Variants in LYRM4 observed in about 807,000 individuals in gnomAD.
LYRM4 encodes LYR motif-containing protein 4.
LYRM4 carries 9 observed loss-of-function variants against 11.7 expected under a neutral mutation model. The ratio of observed to expected loss-of-function variants is 0.77; its 90% CI spans 0.46 to 1.34. The LOEUF is 1.34. Ranked by LOEUF, LYRM4 falls within the 40% of genes most tolerant of loss-of-function variation. The pLI is 0.00. For missense variants in LYRM4, 133 were observed against 112.5 expected, an observed-to-expected ratio of 1.18 and a Z score of -0.82; for synonymous variants, 42 against 40.4, an observed-to-expected ratio of 1.04 and a Z score of -0.15.
chr6:5,048,816 A>C, the LYRM4 span, among the ~76,000 whole-genome samples: 1 of 152,200 alleles, frequency 6.6e-6, no homozygotes, highest in African/African-American at 2.4e-5. Context: ...GCATAAAGAA[A>C]CGTAAATAAT....
the LYRM4 span, chr6:5,032,480 T>G: frequency 3.9e-5 from 6 of 152,312 alleles, no homozygotes; most frequent in Non-Finnish European, 7.3e-5. Flanking sequence ...TACAGCAAAA[T>G]TTGTTAAATG....
In LYRM4 at chr6:5,233,165, A is replaced by G. The variant is rs922925314; in HGVS notation, c.87-16427T>C. Among the ~76,000 whole-genome samples the G allele has an allele frequency of 4.6e-5, 7 of 152,262 alleles. No individual in the cohort carries two copies. In the East Asian group the frequency reaches 7.7e-4, roughly 17 times the overall value. ...CGCCCTGCCTCCCATTTCCTGAGAG[A>G]GGGTCTCACCCACATGATCAATGGC... On this transcript the variant is annotated intron_variant, in intron 1 of 2. Transcript: ENST00000330636.
chr6:5,109,125 G>A lies in LYRM4; in HGVS notation c.*298C>T. ...GGACCAAGAAACAAAGTGTAGAAAT[G>A]CTATACACAATGGTCATGAGCTACA... On this transcript the variant is annotated 3_prime_UTR_variant, in exon 3 of 3. Transcript: ENST00000330636. The A allele has an allele frequency of 2.5e-6, 3 of 1,209,302 alleles. No individual in the cohort carries two copies. The highest frequency in any genetic ancestry group is 3.1e-6 in the Non-Finnish European group (3 of 964,052). 74.9% of individuals were successfully genotyped at this position (1,209,302 alleles called of 1,614,324 possible).
chr6:5,186,023 T>C (rs1043008130), intron 2 of LYRM4, among the ~76,000 whole-genome samples: 2 of 152,004 alleles, frequency 1.3e-5, no homozygotes, highest in Admixed American at 1.3e-4. Context: ...GGCACGCACA[T>C]GTTTTTGGCA....
At chr6:5,067,327 TG>T in the LYRM4 span, among the ~76,000 whole-genome samples, 8 of 152,196 alleles carry the variant, frequency 5.3e-5, no homozygotes, top group Non-Finnish European at 8.8e-5. Flanking sequence ...GTTAGGGAAT[TG>T]GGGAATGTTT....
At chr6:5,129,530 A>G (rs1561815768) in intron 2 of LYRM4, among the ~76,000 whole-genome samples, 2 of 152,116 alleles carry the variant, frequency 1.3e-5, no homozygotes, top group African/African-American at 2.4e-5. Flanking sequence ...CTCTCTGTGC[A>G]ATCAAACCTC....
At chr6:5,172,692 A>G (rs1759502469) in intron 2 of LYRM4, among the ~76,000 whole-genome samples, 2 of 152,156 alleles carry the variant, frequency 1.3e-5, no homozygotes, top group African/African-American at 4.8e-5. Context: ...ACGCACCAAA[A>G]ATCATTCTCA....
At chr6:5,256,724 C>T (rs1462923294) in intron 1 of LYRM4, among the ~76,000 whole-genome samples, 1 of 152,006 alleles carries the variant, frequency 6.6e-6, no homozygotes, top group Non-Finnish European at 1.5e-5. Flanking sequence ...TGATTAACTA[C>T]CTCTGCTGGG....
the LYRM4 span, among the ~76,000 whole-genome samples, chr6:5,036,304 C>T: frequency 6.6e-6 from 1 of 152,112 alleles, no homozygotes; most frequent in Non-Finnish European, 1.5e-5. Context: ...TTAATTTACA[C>T]GTGTGTTAAT....
intron 2 of LYRM4, among the ~76,000 whole-genome samples, chr6:5,163,875 G>A (rs967156039): frequency 4.6e-5 from 7 of 152,042 alleles, no homozygotes; most frequent in Non-Finnish European, 7.4e-5. Flanking sequence ...CCAAAGTGCC[G>A]GGATTACAGC....
chr6:5,239,001 T>C (rs1763708866), intron 1 of LYRM4, among the ~76,000 whole-genome samples: 1 of 152,230 alleles, frequency 6.6e-6, no homozygotes, highest in Non-Finnish European at 1.5e-5. Flanking sequence ...TTTACACGCA[T>C]GTGTTAAGCA....
chr6:5,187,683 A>G (rs1017896691), intron 2 of LYRM4, among the ~76,000 whole-genome samples: 2 of 152,194 alleles, frequency 1.3e-5, no homozygotes, highest in Non-Finnish European at 2.9e-5. Context: ...CAGCAAACCA[A>G]CACAGCACAT....
chr6:5,181,055 G>A (rs775944411), intron 2 of LYRM4, among the ~76,000 whole-genome samples: 1 of 152,070 alleles, frequency 6.6e-6, no homozygotes, highest in African/African-American at 2.4e-5. Context: ...TTAATTTTTT[G>A]AAAGGATCAC....
chr6:5,202,171 G>C (rs966067134), intron 2 of LYRM4, among the ~76,000 whole-genome samples: 3 of 152,222 alleles, frequency 2.0e-5, no homozygotes, highest in Non-Finnish European at 4.4e-5. Flanking sequence ...TAATGAATTT[G>C]TGTAAACAAA....
the LYRM4 span, among the ~76,000 whole-genome samples, chr6:5,069,442 C>T: frequency 0.02 from 3,038 of 149,608 alleles, 97 homozygotes; most frequent in African/African-American, 0.07. Flanking sequence ...ATACATATAT[C>T]ATCAGCTACA....
the LYRM4 span, among the ~76,000 whole-genome samples, chr6:5,067,617 C>G: frequency 7.2e-5 from 11 of 152,244 alleles, no homozygotes; most frequent in South Asian, 4.2e-4. Context: ...GTTACATGGG[C>G]TATGGGAAGG....
At chr6:5,086,365 G>T in the LYRM4 span, 1 of 1,535,974 alleles carries the variant, frequency 6.5e-7, no homozygotes, top group Non-Finnish European at 8.7e-7. Flanking sequence ...TGCCAAGAAA[G>T]AGCCAGGCGC....
intron 2 of LYRM4, chr6:5,144,067 TC>T: frequency 6.8e-7 from 1 of 1,475,676 alleles, no homozygotes; most frequent in Non-Finnish European, 9.0e-7. Flanking sequence ...TGCTTCATAC[TC>T]CAGAAAAAGA....
intron 1 of LYRM4, among the ~76,000 whole-genome samples, chr6:5,260,201 G>A (rs1561910320): frequency 1.3e-5 from 2 of 152,180 alleles, no homozygotes; most frequent in South Asian, 4.1e-4. Flanking sequence ...ATTTTAGGGA[G>A]GTGCTAGAGT....
Sources: gnomAD v4.1 joint callset for allele counts (sites outside exome capture counted in the v4.1 genomes callset) on GRCh38, gnomAD v4.1.1 for gene constraint, MANE v1.5 for transcripts, NCBI Gene and HGNC (gene_info 2026-07-23, HGNC 2026-07-21) for gene names.